The following MARCHF4 variants were observed in gnomAD, a reference collection of about 807,000 sequenced individuals.
The protein encoded by MARCHF4 is E3 ubiquitin-protein ligase MARCHF4.
A neutral mutation model predicts 43.9 loss-of-function variants in MARCHF4; 14 were observed. The observed-to-expected ratio is 0.32, with a 90% CI of 0.21 to 0.50. The LOEUF is 0.50. Among genes scored for constraint, MARCHF4 ranks in the 20% least tolerant of loss-of-function variants. The pLI, the probability that MARCHF4 is intolerant of heterozygous loss-of-function variation, is 0.98. For synonymous variants in MARCHF4, 226 were observed against 213.3 expected (o/e 1.06, Z -0.52); for missense variants, 468 against 536.7 (o/e 0.87, Z 1.27).
At chr2:216,358,731 G>A (rs1692536458) in intron 1 of MARCHF4, among the ~76,000 whole-genome samples, 1 of 152,142 alleles carries the variant, frequency 6.6e-6, no homozygotes, top group Non-Finnish European at 1.5e-5. Context: ...TGGAAAAAAA[G>A]CCTTCATCTT....
chr2:216,286,481 G>A (rs1278123967), intron 1 of MARCHF4, among the ~76,000 whole-genome samples: 1 of 151,032 alleles, frequency 6.6e-6, no homozygotes, highest in South Asian at 2.1e-4. Context: ...AGAGGCAGAG[G>A]TTGCAGTGCC....
At chr2:216,354,891 TTTTCTTTCTTTCTTTCTTTCTTTCTTTC>T (rs71054468) in intron 1 of MARCHF4, among the ~76,000 whole-genome samples, 972 of 86,770 alleles carry the variant, frequency 0.011, 13 homozygotes, top group South Asian at 0.037. Context: ...TTAATAATTG[TTTTCTTTCTTTCTTTCTTTCTTTCTTTC>T]TTTCTTTCTT....
chr2:216,298,509 AC>A (rs1691433103), intron 1 of MARCHF4, among the ~76,000 whole-genome samples: 2 of 152,000 alleles, frequency 1.3e-5, no homozygotes, highest in South Asian at 4.2e-4. Context: ...CAAGAGATTC[AC>A]CTGCTTTGGC....
At chr2:216,318,188 G>T (rs1316521635) in intron 1 of MARCHF4, 2 of 152,330 alleles carry the variant, frequency 1.3e-5, no homozygotes, top group East Asian at 3.9e-4. Context: ...CTTGGCACAG[G>T]TCATCCTTAA....
intron 1 of MARCHF4, among the ~76,000 whole-genome samples, chr2:216,363,034 T>G (rs1220408480): frequency 1.3e-5 from 2 of 151,842 alleles, no homozygotes; most frequent in Admixed American, 6.6e-5. Flanking sequence ...CCCTCCCCCA[T>G]CTCACAGGCC....
At position 216,370,183 on chromosome 2, in the gene MARCHF4, G is replaced by A; in HGVS notation, c.78C>T (p.Ala26=). The part of the protein sequence containing the change: ...CSGWYCYGLC[A]PAPQMLRHQG... The stretch of plus-strand genomic sequence containing the variant: ...GGTGGCGCAACATCTGGGGGGCTGG[G>A]GCACACAATCCATAGCAGTACCAGC... The change falls in exon 1 of 4, where the codon GCC becomes GCT. Residue 26 remains alanine (A), a synonymous_variant. Coordinates refer to ENST00000273067, the MANE Select transcript of MARCHF4 (RefSeq NM_020814.3). The A allele has an allele frequency of 6.2e-7, 1 of 1,612,768 alleles. No individual in the cohort carries two copies. Among genetic ancestry groups the A allele is most frequent in the South Asian group, 1.1e-5 (1 of 90,766 alleles).
intron 1 of MARCHF4, among the ~76,000 whole-genome samples, chr2:216,367,084 G>T (rs1047883439): frequency 6.6e-6 from 1 of 152,088 alleles, no homozygotes; most frequent in African/African-American, 2.4e-5. Flanking sequence ...TTTGGCAGTC[G>T]TTTAGCCCCT....
In MARCHF4 at chr2:216,293,895, TACATTTATAATCATA is replaced by T. The variant is rs1373663478; in HGVS notation, c.517-10181_517-10167del. Among the ~76,000 whole-genome samples, 5 of 136,058 alleles carry T rather than the reference TACATTTATAATCATA, an allele frequency of 3.7e-5. 1 individual carries two copies. The highest frequency in any genetic ancestry group is 7.4e-5 in the African/African-American group (3 of 40,680). The allele number at this position is 136,058 out of a possible 152,430, so 89.3% of individuals were successfully genotyped here. A position where few individuals can be genotyped will look rare whatever the true frequency, so the allele number is the denominator to read the frequency against. On this transcript the variant is annotated intron_variant, in intron 1 of 3. Transcript: ENST00000273067. ...GGAAAAAAAGGTCACGTTTAATGTGTACATTTATAATCATATCTGTATTTCTAATGACCTAAATGT... is the reference window on the plus strand; with the variant it reads ...GGAAAAAAAGGTCACGTTTAATGTGTTCTGTATTTCTAATGACCTAAATGT...
At position 216,293,809 on chromosome 2, in the gene MARCHF4, C is replaced by A. The variant is rs1217760440; in HGVS notation, c.517-10080G>T. Among the ~76,000 whole-genome samples the A allele has an allele frequency of 1.5e-5, 2 of 135,416 alleles. 1 individual carries two copies. Among genetic ancestry groups the A allele is most frequent in the Non-Finnish European group, 3.4e-5 (2 of 58,530 alleles). 88.8% of individuals were successfully genotyped at this position (135,416 alleles called of 152,430 possible). A position where few individuals can be genotyped will look rare whatever the true frequency, so the allele number is the denominator to read the frequency against. On this transcript the variant is annotated intron_variant, in intron 1 of 3. Transcript: ENST00000273067. ...ACAATAATTGAATTTAAATAACATC[C>A]AATTCTATGAAGTCAAACATGATCT...
chr2:216,363,830 C>T (rs913725686), intron 1 of MARCHF4, among the ~76,000 whole-genome samples: 2 of 152,188 alleles, frequency 1.3e-5, no homozygotes, highest in South Asian at 4.1e-4. Flanking sequence ...CCAATCTTTG[C>T]TGAAGATATA....
intron 1 of MARCHF4, among the ~76,000 whole-genome samples, chr2:216,346,603 G>C (rs78784691): frequency 2.6e-5 from 4 of 152,216 alleles, no homozygotes; most frequent in African/African-American, 9.6e-5. Flanking sequence ...TGCCAGAAAG[G>C]TCTGAAGGAT....
chr2:216,264,390 G>A (rs997944807), intron 3 of MARCHF4, among the ~76,000 whole-genome samples: 11 of 152,158 alleles, frequency 7.2e-5, no homozygotes, highest in African/African-American at 2.4e-4. Context: ...CTTCTTTTCT[G>A]TCCCACTCTC....
chr2:216,320,498 C>T (rs1691861967), intron 1 of MARCHF4, among the ~76,000 whole-genome samples: 1 of 152,176 alleles, frequency 6.6e-6, no homozygotes. Flanking sequence ...AGCAAATGGG[C>T]AACCCAGGTT....
At chr2:216,351,926 G>A (rs1309821559) in intron 1 of MARCHF4, among the ~76,000 whole-genome samples, 1 of 152,192 alleles carries the variant, frequency 6.6e-6, no homozygotes, top group African/African-American at 2.4e-5. Context: ...CCTTGGTTGT[G>A]CGTCTACCAG....
At chr2:216,281,058 C>CTTTTT (rs58189904) in intron 2 of MARCHF4, among the ~76,000 whole-genome samples, 1 of 104,298 alleles carries the variant, frequency 9.6e-6, no homozygotes, top group Non-Finnish European at 1.9e-5. Context: ...TTTCTCACAA[C>CTTTTT]TTTTTTTTTT....
At chr2:216,353,391 G>A (rs1692431035) in intron 1 of MARCHF4, among the ~76,000 whole-genome samples, 1 of 152,148 alleles carries the variant, frequency 6.6e-6, no homozygotes, top group African/African-American at 2.4e-5. Context: ...ATAGCTCTGA[G>A]GCAGGAAAGG....
intron 1 of MARCHF4, among the ~76,000 whole-genome samples, chr2:216,362,240 G>T (rs1692593343): frequency 2.0e-5 from 3 of 152,176 alleles, no homozygotes; most frequent in South Asian, 4.1e-4. Flanking sequence ...GGATGAGATT[G>T]CAAGGGGTCA....
chr2:216,353,693 G>T (rs929359032), intron 1 of MARCHF4, among the ~76,000 whole-genome samples: 1 of 152,142 alleles, frequency 6.6e-6, no homozygotes, highest in African/African-American at 2.4e-5. Context: ...GATTACAGGT[G>T]CCTGCCACCA....
intron 1 of MARCHF4, among the ~76,000 whole-genome samples, chr2:216,356,216 A>G (rs764820853): frequency 6.6e-6 from 1 of 152,258 alleles, no homozygotes; most frequent in Non-Finnish European, 1.5e-5. Flanking sequence ...GATGATCCTT[A>G]ACTCTGTTTA....
Sources: allele counts gnomAD v4.1 joint callset (sites outside exome capture counted in the v4.1 genomes callset), GRCh38; gene constraint gnomAD v4.1.1; transcripts MANE v1.5; gene names NCBI Gene and HGNC (gene_info 2026-07-23, HGNC 2026-07-21).